Variants in RP9 observed in about 807,000 individuals in gnomAD.
RP9 encodes RP9 pre-mRNA splicing factor.
RP9 carries 23 observed loss-of-function variants against 32.6 expected under a neutral mutation model. That is an observed-to-expected ratio of 0.71 (90% confidence interval 0.51 to 1.00). The LOEUF is 1.00. Among genes scored for constraint, RP9 ranks in the 50% least tolerant of loss-of-function variants. The pLI is 0.00. For synonymous variants in RP9, 94 were observed against 103.6 expected (o/e 0.91, Z 0.56); for missense variants, 245 against 285.3 (o/e 0.86, Z 1.02).
intron 1 of RP9, among the ~76,000 whole-genome samples, chr7:33,104,200 A>C (rs1210893027): frequency 1.3e-5 from 2 of 152,208 alleles, no homozygotes; most frequent in African/African-American, 2.4e-5. Context: ...TGGGGAGAGG[A>C]AATAAGACAT....
chr7:33,100,262 T>TC, intron 2 of RP9: 1 of 535,278 alleles, frequency 1.9e-6, no homozygotes, highest in East Asian at 3.3e-5. Context: ...AGAGATGCCA[T>TC]CCCCAGCAAG....
At chr7:33,105,628 T>C (rs1250170907) in intron 1 of RP9, among the ~76,000 whole-genome samples, 1 of 152,168 alleles carries the variant, frequency 6.6e-6, no homozygotes, top group Non-Finnish European at 1.5e-5. Flanking sequence ...CCTACCTTGT[T>C]TGATAGATCA....
chr7:33,108,618 CT>C (rs1788535192), intron 1 of RP9, among the ~76,000 whole-genome samples: 1 of 152,164 alleles, frequency 6.6e-6, no homozygotes, highest in Admixed American at 6.5e-5. Flanking sequence ...TTGGGGGCAA[CT>C]TTTATCGCCT....
intron 1 of RP9, among the ~76,000 whole-genome samples, chr7:33,105,836 G>T (rs921477676): frequency 9.2e-5 from 14 of 152,088 alleles, no homozygotes; most frequent in Admixed American, 2.6e-4. Flanking sequence ...AGTTTCCTCT[G>T]GGTCTCTGGG....
In RP9 at chr7:33,108,095, C is replaced by G. The variant is rs79626213; in HGVS notation, c.152+1126G>C. ...ACACATCTACTTAGGTTACAGTTCACTAAGTACAGAGAAACTTTTAGGCTA... is the reference window on the plus strand; with the variant it reads ...ACACATCTACTTAGGTTACAGTTCAGTAAGTACAGAGAAACTTTTAGGCTA... On this transcript the variant is annotated intron_variant, in intron 1 of 5. Transcript: ENST00000297157. Among the ~76,000 whole-genome samples the G allele has an allele frequency of 1.3e-3, 193 of 152,328 alleles. 6 individuals are homozygous for G. In the East Asian group the frequency reaches 0.023, roughly 18 times the overall value.
At chr7:33,102,002 C>G (rs958923475) in intron 1 of RP9, among the ~76,000 whole-genome samples, 1 of 151,990 alleles carries the variant, frequency 6.6e-6, no homozygotes, top group Non-Finnish European at 1.5e-5. Context: ...AAGCATTATA[C>G]AAAAAATATA....
intron 3 of RP9, among the ~76,000 whole-genome samples, chr7:33,098,919 C>T (rs187296628): frequency 6.6e-6 from 1 of 152,148 alleles, no homozygotes; most frequent in East Asian, 1.9e-4. Flanking sequence ...ATGGGTGATC[C>T]AACACGGGAG....
Position 33,109,263 on chromosome 7 carries a change from T to C in RP9, c.110A>G (p.His37Arg). ...GAGCTGCTGCAGCTGCTGCGCGTCG[T>C]GTCGCCGCCGCTTCTGCTCCCGACG... ...QRRREQKRRR[H>R]DAQQLQQLKH... Residue 37 changes from histidine (H) to arginine (R), a missense_variant, in exon 1 of 6, where the codon CAC (histidine) becomes CGC (arginine). Physicochemically the swap from His to Arg is conservative, Grantham distance 29. Around this residue, in one of 2 missense-constraint regions of RP9, gnomAD observed 182 missense variants for 175.5 expected, o/e 1.04. Coordinates refer to ENST00000297157, the MANE Select transcript of RP9 (RefSeq NM_203288.2). The surrounding 1 kb of genome is among the most constrained non-coding windows in gnomAD (Gnocchi z 4.9). 2.0e-6 allele frequency: 3 copies of C among 1,493,888 alleles called. No homozygotes were observed. The highest frequency in any genetic ancestry group is 2.9e-5 in the African/African-American group (2 of 68,384). The allele number at this position is 1,493,888 out of a possible 1,614,324, so 92.5% of individuals were successfully genotyped here. A position where few individuals can be genotyped will look rare whatever the true frequency, so the allele number is the denominator to read the frequency against.
chr7:33,096,495 T>G lies in RP9; in HGVS notation c.465A>C (p.Val155=). The change falls in exon 5 of 6, where the codon GTA becomes GTC. Residue 155 remains valine (V), a splice_region_variant and synonymous_variant. Coordinates refer to ENST00000297157, the MANE Select transcript of RP9 (RefSeq NM_203288.2). ...IRDNKRHEKD[V]RIQQLKQLLE... is the part of the protein sequence containing the mutation. ...TGTTATCATCAGGACGACCTCACCT[T>G]ACGTCCTTTTCATGTCGTTTATTGT... 6.2e-7 allele frequency: 1 copy of G among 1,608,084 alleles called. No individual in the cohort carries two copies. Among genetic ancestry groups the G allele is most frequent in the Non-Finnish European group, 8.5e-7 (1 of 1,174,540 alleles).
intron 3 of RP9, among the ~76,000 whole-genome samples, chr7:33,098,773 G>A (rs190114641): frequency 3.3e-5 from 5 of 152,266 alleles, no homozygotes; most frequent in Admixed American, 2.6e-4. Context: ...TTAAAAATCT[G>A]TTAAAGACGA....
intron 1 of RP9, among the ~76,000 whole-genome samples, chr7:33,106,321 AC>A (rs1288749526): frequency 2.6e-5 from 4 of 152,134 alleles, no homozygotes; most frequent in African/African-American, 9.7e-5. Flanking sequence ...GGCATGTACC[AC>A]CATGCCTGGT....
intron 1 of RP9, among the ~76,000 whole-genome samples, chr7:33,107,332 AT>A (rs1216996987): frequency 6.6e-6 from 1 of 152,038 alleles, no homozygotes; most frequent in Admixed American, 6.6e-5. Context: ...CTGTTCCTCC[AT>A]TTTTTCATCT....
chr7:33,096,373 A>G, intron 5 of RP9, 120 bp downstream of exon 5: 7 of 771,612 alleles, frequency 9.1e-6, no homozygotes, highest in Non-Finnish European at 1.6e-5. Flanking sequence ...CACTCCACAT[A>G]TTTTCACAAT....
At chr7:33,105,027 G>A (rs563332100) in intron 1 of RP9, among the ~76,000 whole-genome samples, 3 of 152,172 alleles carry the variant, frequency 2.0e-5, no homozygotes, top group Non-Finnish European at 4.4e-5. Context: ...AATTGGCTTT[G>A]GTAAAATGTG....
At chr7:33,100,241 A>G (rs73093582) in intron 2 of RP9, 11,562 of 489,454 alleles carry the variant, frequency 0.024, 191 homozygotes, top group Non-Finnish European at 0.03. Context: ...GCCGACAAGG[A>G]AAAGGAGCTT....
At chr7:33,103,631 T>C (rs754053032) in intron 1 of RP9, among the ~76,000 whole-genome samples, 6 of 151,740 alleles carry the variant, frequency 4.0e-5, no homozygotes, top group Non-Finnish European at 7.4e-5. Flanking sequence ...CTGGGCAACA[T>C]AGTAAGATTC....
intron 1 of RP9, among the ~76,000 whole-genome samples, chr7:33,104,712 C>T (rs1788474323): frequency 6.6e-6 from 1 of 152,116 alleles, no homozygotes; most frequent in Non-Finnish European, 1.5e-5. Flanking sequence ...TCTGGAGTAG[C>T]TGGGACTACA....
intron 1 of RP9, among the ~76,000 whole-genome samples, chr7:33,103,830 A>G (rs1160248560): frequency 6.6e-6 from 1 of 152,168 alleles, no homozygotes; most frequent in Admixed American, 6.5e-5. Context: ...TAAAAAACAC[A>G]AAACAAAACA....
At position 33,095,392 on chromosome 7, in the gene RP9, C is replaced by T; in HGVS notation, c.508G>A (p.Asp170Asn). Reference sequence around the variant, plus strand: ...GAACTGGAGCTGCTCCTATCTTCATCTGAGGTAGAATCCTCCAGTAACTGT... The same window carrying T: ...GAACTGGAGCTGCTCCTATCTTCATTTGAGGTAGAATCCTCCAGTAACTGT... Reference protein sequence around the residue: ...LKQLLEDSTSDEDRSSSSSSE... With the variant: ...LKQLLEDSTSNEDRSSSSSSE... The change falls in exon 6 of 6, where the codon GAT (aspartate) becomes AAT (asparagine). Residue 170 changes from aspartate (D) to asparagine (N), a missense_variant. Transcript: ENST00000297157. 1 of 1,613,898 alleles carries T rather than the reference C, an allele frequency of 6.2e-7. No homozygotes were observed. The highest frequency in any genetic ancestry group is 1.7e-5 in the Admixed American group (1 of 60,020).
Sources: allele counts gnomAD v4.1 joint callset (sites outside exome capture counted in the v4.1 genomes callset), GRCh38; gene constraint gnomAD v4.1.1; regional missense constraint gnomAD v4.1.1; non-coding constraint Gnocchi (gnomAD v3.1); transcripts MANE v1.5; gene names NCBI Gene and HGNC (gene_info 2026-07-23, HGNC 2026-07-21).